FXYD2: variants seen among roughly 807,000 people sequenced by gnomAD.
FXYD2 encodes sodium/potassium-transporting ATPase subunit gamma.
Under a neutral mutation model 11.8 loss-of-function variants are expected in FXYD2, and 8 were observed. The observed-to-expected ratio is 0.68, with a 90% CI of 0.40 to 1.22. The LOEUF is 1.22. Ranked by LOEUF, FXYD2 falls within the 50% of genes most tolerant of loss-of-function variation. The pLI is 0.01. For missense variants in FXYD2, 92 were observed against 91.8 expected, an observed-to-expected ratio of 1.00 and a Z score of -0.01; for synonymous variants, 42 against 33.3, an observed-to-expected ratio of 1.26 and a Z score of -0.90.
chr11:117,822,030 T>C lies in FXYD2; in HGVS notation c.139+376A>G. The C allele has an allele frequency of 8.3e-7, 1 of 1,204,332 alleles. No individual in the cohort carries two copies. The highest frequency in any genetic ancestry group is 1.0e-6 in the Non-Finnish European group (1 of 955,214). The allele number at this position is 1,204,332 out of a possible 1,614,324, so 74.6% of individuals were successfully genotyped here. On this transcript the variant is annotated intron_variant, in intron 3 of 5. Coordinates refer to ENST00000292079, the MANE Select transcript of FXYD2 (RefSeq NM_001680.5). This position sits in a 1 kb window ranked among gnomAD's most constrained non-coding sequence, Gnocchi z 4.7. ...AGCGCTGTCCTGACTGCCATGTCTT[T>C]GGATGCTAGCCCTAATCTTGTGAGG... is the stretch of plus-strand genomic sequence containing the variant.
chr11:117,824,989 G>A (rs896556061), upstream of FXYD2, among the ~76,000 whole-genome samples: 1 of 152,192 alleles, frequency 6.6e-6, no homozygotes, highest in Admixed American at 6.5e-5. This position sits in a 1 kb window ranked among gnomAD's most constrained non-coding sequence, Gnocchi z 4.0. Context: ...GCCAGCTGGG[G>A]AAGCTACAGC....
In FXYD2 at chr11:117,820,883, C is replaced by T. The variant is rs755359872; in HGVS notation, c.152G>A (p.Arg51His). ...GLLILLSRRF[R>H]CGGNKKRRQI... ...CCTGCGCTTCTTATTGCCCCCACAGCGGAATCTTCTGCCTTGAAAAGAGAA... is the reference window on the plus strand; with the variant it reads ...CCTGCGCTTCTTATTGCCCCCACAGTGGAATCTTCTGCCTTGAAAAGAGAA... Residue 51 changes from arginine to histidine, a missense_variant, in exon 4 of 6, where the codon CGC becomes CAC. Coordinates refer to ENST00000292079, the MANE Select transcript of FXYD2 (RefSeq NM_001680.5). The T allele has an allele frequency of 3.7e-6, 6 of 1,613,754 alleles. No homozygotes were observed. The highest frequency in any genetic ancestry group is 2.2e-5 in the South Asian group (2 of 91,056).
At chr11:117,827,130 AGAT>A (rs2056061879), upstream of FXYD2, among the ~76,000 whole-genome samples, 1 of 149,756 alleles carries the variant, frequency 6.7e-6, no homozygotes, top group African/African-American at 2.5e-5. Context: ...ATAGATAGAT[AGAT>A]AGATATGGAT....
Position 117,822,552 on chromosome 11 carries a change from C to T in FXYD2, c.65-72G>A. The T allele has an allele frequency of 6.4e-7, 1 of 1,558,042 alleles. No individual in the cohort carries two copies. The highest frequency in any genetic ancestry group is 1.2e-5 in the South Asian group (1 of 84,578). On this transcript the variant is annotated intron_variant, in intron 2 of 5. Transcript: ENST00000292079. The surrounding 1 kb of genome is among the most constrained non-coding windows in gnomAD (Gnocchi z 4.7). ...GCAGCTGTCTCTCTCCGCAGCCTGC[C>T]CGCAGCAGCCCGTGGTAACCAGGGG... is the stretch of plus-strand genomic sequence containing the variant.
chr11:117,820,624 G>T (rs1394135777), intron 5 of FXYD2, 42 bp downstream of exon 5: 1 of 1,612,346 alleles, frequency 6.2e-7, no homozygotes, highest in Non-Finnish European at 8.5e-7. Context: ...TCCCAAGCCT[G>T]CCCTGCCCTC....
upstream of FXYD2, among the ~76,000 whole-genome samples, chr11:117,825,980 CA>C (rs1424134600): frequency 6.6e-6 from 1 of 152,186 alleles, no homozygotes; most frequent in Non-Finnish European, 1.5e-5. Flanking sequence ...TGGTCTCAGT[CA>C]ATGACTTCAC....
upstream of FXYD2, among the ~76,000 whole-genome samples, chr11:117,826,061 G>A (rs1013654884): frequency 6.6e-6 from 1 of 152,206 alleles, no homozygotes; most frequent in African/African-American, 2.4e-5. Flanking sequence ...GTGGTGAGGG[G>A]AAGTGAGATA....
At chr11:117,823,822 A>G (rs2055972007) in intron 1 of FXYD2, among the ~76,000 whole-genome samples, 2 of 152,192 alleles carry the variant, frequency 1.3e-5, no homozygotes, top group Non-Finnish European at 2.9e-5. Flanking sequence ...GGGTCTGTCA[A>G]GCCCAGCTGT....
At chr11:117,825,742 G>A (rs75379277), upstream of FXYD2, among the ~76,000 whole-genome samples, 240 of 152,244 alleles carry the variant, frequency 1.6e-3, 2 homozygotes, top group East Asian at 0.043. Flanking sequence ...CTCCTGTGCC[G>A]GGTAGTCACA....
chr11:117,821,027 G>A (rs1021747615), intron 3 of FXYD2, 132 bp from the exon 4 acceptor site: 3 of 1,084,562 alleles, frequency 2.8e-6, no homozygotes, highest in South Asian at 1.4e-5. Context: ...TGGAGGCCAC[G>A]TTTGACTGTC....
In FXYD2 at chr11:117,824,180, C is replaced by T. The variant is rs1337851312; in HGVS notation, c.25+474G>A. ...AACCCACCTCTGTCAGCAAGTGCCC[C>T]TCTTGGTTTCCAGGCCTGAGTCAGT... On this transcript the variant is annotated intron_variant, in intron 1 of 5. Coordinates refer to ENST00000292079, the MANE Select transcript of FXYD2 (RefSeq NM_001680.5). The surrounding 1 kb of genome is among the most constrained non-coding windows in gnomAD (Gnocchi z 4.0). 4.9e-6 allele frequency: 1 copy of T among 203,776 alleles called. No individual in the cohort carries two copies. Among genetic ancestry groups the T allele is most frequent in the East Asian group, 1.1e-4 (1 of 8,962 alleles). 12.6% of individuals were successfully genotyped at this position (203,776 alleles called of 1,614,324 possible). A position where few individuals can be genotyped will look rare whatever the true frequency, so the allele number is the denominator to read the frequency against.
intron 3 of FXYD2, chr11:117,821,721 T>C (rs2055909496): frequency 2.0e-6 from 2 of 984,030 alleles, no homozygotes; most frequent in African/African-American, 1.8e-5. Context: ...TAGAGAGAGC[T>C]GCCATGGGCA....
chr11:117,827,189 C>G (rs1242345245), upstream of FXYD2, among the ~76,000 whole-genome samples: 1 of 152,132 alleles, frequency 6.6e-6, no homozygotes, highest in East Asian at 1.9e-4. Flanking sequence ...ATAGGGAAAG[C>G]TAGTTGATGG....
chr11:117,826,778 G>A (rs11216565), upstream of FXYD2, among the ~76,000 whole-genome samples: 3,870 of 125,808 alleles, frequency 0.031, 68 homozygotes, highest in East Asian at 0.045. Context: ...CTGTCTGTCT[G>A]TCTATCTATC....
rs1162602115 is a variant in FXYD2, at chr11:117,820,125, G to A, written c.*254C>T. On this transcript the variant is annotated 3_prime_UTR_variant, in exon 6 of 6. Coordinates refer to ENST00000292079, the MANE Select transcript of FXYD2 (RefSeq NM_001680.5). ...GGAGAGGCTGGTGGTGACAGAGGAG[G>A]GAGACAGGCAGGCAGGTGAGGGAAG... 6.4e-6 allele frequency: 1 copy of A among 155,618 alleles called. No homozygotes were observed. Among genetic ancestry groups the A allele is most frequent in the African/African-American group, 2.4e-5 (1 of 41,510 alleles). 9.6% of individuals were successfully genotyped at this position (155,618 alleles called of 1,614,324 possible).
chr11:117,825,457 G>A (rs1330456583), upstream of FXYD2, among the ~76,000 whole-genome samples: 3 of 152,200 alleles, frequency 2.0e-5, no homozygotes, highest in African/African-American at 7.2e-5. Flanking sequence ...GGATCCTTAA[G>A]GACAGGGCAA....
Position 117,820,343 on chromosome 11 carries a change from GC to G in FXYD2, c.*35del. On this transcript the variant is annotated 3_prime_UTR_variant, in exon 6 of 6. Coordinates refer to ENST00000292079, the MANE Select transcript of FXYD2 (RefSeq NM_001680.5). ...AGGGCCATGCTTGGCTTCCCAGCTG[GC>G]CCCAGTGCAGTGGGTGGCACCGCCG... 2.4e-6 allele frequency: 1 copy of G among 411,172 alleles called. No homozygotes were observed. The highest frequency in any genetic ancestry group is 4.3e-6 in the Non-Finnish European group (1 of 230,076). The allele number at this position is 411,172 out of a possible 1,614,324, so 25.5% of individuals were successfully genotyped here.
upstream of FXYD2, among the ~76,000 whole-genome samples, chr11:117,827,768 A>G (rs11216567): frequency 0.11 from 17,088 of 152,216 alleles, 1,085 homozygotes; most frequent in East Asian, 0.21. Flanking sequence ...TAAATGAGGC[A>G]GTTGGACAGC....
At position 117,822,487 on chromosome 11, in the gene FXYD2, A is replaced by G; in HGVS notation, c.65-7T>C. 1 of 1,559,766 alleles carries G rather than the reference A, an allele frequency of 6.4e-7. No homozygotes were observed. Among genetic ancestry groups the G allele is most frequent in the Non-Finnish European group, 8.7e-7 (1 of 1,151,068 alleles). Reference sequence around the variant, plus strand: ...TTGCGAACGGTCTCATAGTCTCCGGAAAGAGAGGGCAAGAGGAGCGGGATG... The same window carrying G: ...TTGCGAACGGTCTCATAGTCTCCGGGAAGAGAGGGCAAGAGGAGCGGGATG... On this transcript the variant is annotated splice_region_variant and splice_polypyrimidine_tract_variant and intron_variant, in intron 2 of 5. Transcript: ENST00000292079. This position sits in a 1 kb window ranked among gnomAD's most constrained non-coding sequence, Gnocchi z 4.7.
Sources: allele counts gnomAD v4.1 joint callset (sites outside exome capture counted in the v4.1 genomes callset), GRCh38; gene constraint gnomAD v4.1.1; non-coding constraint Gnocchi (gnomAD v3.1); transcripts MANE v1.5; gene names NCBI Gene and HGNC (gene_info 2026-07-23, HGNC 2026-07-21).